FTO: variants seen among roughly 807,000 people sequenced by gnomAD.
FTO encodes the protein alpha-ketoglutarate-dependent dioxygenase FTO.
FTO carries 47 observed loss-of-function variants against 63.9 expected under a neutral mutation model. The observed-to-expected ratio is 0.74, with a 90% CI of 0.58 to 0.94. The LOEUF (loss-of-function observed/expected upper bound fraction) is 0.94. FTO is among the 40% of genes least tolerant of loss of function. The pLI, the probability that FTO is intolerant of heterozygous loss-of-function variation, is 0.00. For missense variants in FTO, 562 were observed against 618.1 expected (o/e 0.91, Z 0.96); for synonymous variants, 207 against 224.4 (o/e 0.92, Z 0.69).
chr16:54,089,874 A>C (rs1168432399), intron 8 of FTO, among the ~76,000 whole-genome samples: 1 of 151,952 alleles, frequency 6.6e-6, no homozygotes, highest in Non-Finnish European at 1.5e-5. Flanking sequence ...AAAAAAAAAA[A>C]AGAAAAGAAA....
chr16:53,964,539 T>C (rs1212555891), intron 8 of FTO, among the ~76,000 whole-genome samples: 2 of 152,220 alleles, frequency 1.3e-5, no homozygotes, highest in Non-Finnish European at 2.9e-5. Flanking sequence ...TGGGGTTTAA[T>C]ATTTTTTTAA....
chr16:54,048,025 G>C (rs1364331352), intron 8 of FTO, among the ~76,000 whole-genome samples: 3 of 73,298 alleles, frequency 4.1e-5, no homozygotes, highest in Non-Finnish European at 6.9e-5. Flanking sequence ...TGACACGTTA[G>C]TGGGTGCAGC....
At chr16:53,875,876 A>T (rs190389442) in intron 5 of FTO, among the ~76,000 whole-genome samples, 6 of 152,332 alleles carry the variant, frequency 3.9e-5, no homozygotes, top group African/African-American at 1.2e-4. Context: ...TTTAATGGAG[A>T]TGGGGCTTTG....
intron 8 of FTO, among the ~76,000 whole-genome samples, chr16:54,096,432 T>G (rs1425544228): frequency 1.3e-5 from 2 of 152,276 alleles, no homozygotes; most frequent in East Asian, 3.9e-4. Flanking sequence ...TGCACCAACA[T>G]ATAATTGTGC....
At chr16:54,062,410 G>A (rs2085601220) in intron 8 of FTO, among the ~76,000 whole-genome samples, 1 of 152,164 alleles carries the variant, frequency 6.6e-6, no homozygotes, top group Non-Finnish European at 1.5e-5. Context: ...GGAAGCTGAA[G>A]AGGAGGGAGG....
intron 1 of FTO, among the ~76,000 whole-genome samples, chr16:53,756,210 A>C (rs1169202018): frequency 2.6e-5 from 4 of 152,232 alleles, no homozygotes. Context: ...ATTAACAAGA[A>C]GGCTAGAAAG....
intron 1 of FTO, among the ~76,000 whole-genome samples, chr16:53,732,909 G>A (rs1406256368): frequency 6.6e-6 from 1 of 152,160 alleles, no homozygotes; most frequent in Non-Finnish European, 1.5e-5. Context: ...GAATGAATGA[G>A]TAAGGAAAAA....
intron 7 of FTO, among the ~76,000 whole-genome samples, chr16:53,909,595 A>G (rs1400000044): frequency 5.0e-5 from 6 of 118,952 alleles, no homozygotes; most frequent in Admixed American, 3.7e-4. Context: ...ACAGAGTCTC[A>G]CTCTGTCACC....
chr16:53,953,736 A>G (rs2082855191), intron 8 of FTO, among the ~76,000 whole-genome samples: 1 of 152,234 alleles, frequency 6.6e-6, no homozygotes, highest in Non-Finnish European at 1.5e-5. Context: ...ATCCAGCATG[A>G]AGGGGCTTTT....
chr16:53,732,576 C>T (rs1190241832), intron 1 of FTO, among the ~76,000 whole-genome samples: 1 of 152,214 alleles, frequency 6.6e-6, no homozygotes, highest in East Asian at 1.9e-4. Context: ...AGGGCAGGAA[C>T]TTCTTATCTT....
chr16:54,092,045 G>A (rs1488777273), intron 8 of FTO, among the ~76,000 whole-genome samples: 2 of 152,264 alleles, frequency 1.3e-5, no homozygotes, highest in Non-Finnish European at 2.9e-5. Context: ...GGGAAGCCAA[G>A]GTGGGAGGAT....
At chr16:54,009,962 A>G (rs1802045931) in intron 8 of FTO, among the ~76,000 whole-genome samples, 1 of 152,208 alleles carries the variant, frequency 6.6e-6, no homozygotes, top group Non-Finnish European at 1.5e-5. Context: ...AAACTTACAT[A>G]GCAATGAGGA....
chr16:53,710,256 C>T (rs2075733694), intron 1 of FTO, among the ~76,000 whole-genome samples: 1 of 148,056 alleles, frequency 6.8e-6, no homozygotes, highest in Admixed American at 6.7e-5. Context: ...TGATTAGATT[C>T]AGATTTTGCC....
At chr16:54,015,825 C>T (rs1238247399) in intron 8 of FTO, among the ~76,000 whole-genome samples, 1 of 152,188 alleles carries the variant, frequency 6.6e-6, no homozygotes, top group Non-Finnish European at 1.5e-5. Context: ...CTTACAAGTT[C>T]GGACAGCCTC....
At chr16:53,885,237 A>C (rs944506598) in intron 6 of FTO, among the ~76,000 whole-genome samples, 1 of 152,144 alleles carries the variant, frequency 6.6e-6, no homozygotes, top group Non-Finnish European at 1.5e-5. Context: ...AAGCAGGTGG[A>C]GATTTTTTTT....
intron 8 of FTO, among the ~76,000 whole-genome samples, chr16:53,963,500 C>T (rs930096029): frequency 2.6e-5 from 4 of 152,100 alleles, no homozygotes; most frequent in Admixed American, 6.5e-5. Context: ...GTGTTTGGAT[C>T]GTGGGACAGA....
Position 53,879,850 on chromosome 16 carries a change from A to G in FTO, c.982A>G (p.Thr328Ala). The G allele has an allele frequency of 6.2e-7, 1 of 1,614,126 alleles. No homozygotes were observed. Among genetic ancestry groups the G allele is most frequent in the Non-Finnish European group, 8.5e-7 (1 of 1,179,986 alleles). Reference sequence around the variant, plus strand: ...GCTGGTTCTGTCTCAACAGTGCTCAACAGGAACCTTGGATTATATTTTACA... The same window carrying G: ...GCTGGTTCTGTCTCAACAGTGCTCAGCAGGAACCTTGGATTATATTTTACA... ...SSTHRVAECSTGTLDYILQRC... is the reference protein window; with the variant it reads ...SSTHRVAECSAGTLDYILQRC... Residue 328 changes from threonine to alanine, a missense_variant, in exon 6 of 9, where the codon ACA becomes GCA. Physicochemically the swap from Thr to Ala is moderately conservative, Grantham distance 58 (BLOSUM62 0). Transcript: ENST00000471389.
At chr16:53,710,061 C>G (rs1415950882) in intron 1 of FTO, among the ~76,000 whole-genome samples, 1 of 152,042 alleles carries the variant, frequency 6.6e-6, no homozygotes, top group Non-Finnish European at 1.5e-5. Context: ...ATTGTCAGGT[C>G]CCTTTGGTCT....
chr16:54,099,457 G>A (rs144986251), intron 8 of FTO, among the ~76,000 whole-genome samples: 13 of 152,182 alleles, frequency 8.5e-5, no homozygotes, highest in South Asian at 2.1e-4. Flanking sequence ...CTCTTAAAGC[G>A]TCCAACCAAG....
Sources: gnomAD v4.1 joint callset for allele counts (sites outside exome capture counted in the v4.1 genomes callset) on GRCh38, gnomAD v4.1.1 for gene constraint, MANE v1.5 for transcripts, NCBI Gene and HGNC (gene_info 2026-07-23, HGNC 2026-07-21) for gene names.